The following IGSF21 variants were observed in gnomAD, a reference collection of about 807,000 sequenced individuals.
The protein encoded by IGSF21 is immunoglobin superfamily member 21.
In IGSF21, 28 loss-of-function variants were observed where a neutral mutation model predicts 46.8. The observed-to-expected ratio is 0.60, with a 90% CI of 0.44 to 0.82. The LOEUF (loss-of-function observed/expected upper bound fraction) is 0.82, where lower values mean the gene tolerates loss of function less well. IGSF21 is among the 40% of genes least tolerant of loss of function. IGSF21 has a pLI of 0.00. For synonymous variants in IGSF21, 284 were observed against 273.6 expected, an observed-to-expected ratio of 1.04 and a Z score of -0.38; for missense variants, 624 against 665.5, an observed-to-expected ratio of 0.94 and a Z score of 0.69.
At chr1:18,223,525 C>G (rs1381679319) in intron 1 of IGSF21, among the ~76,000 whole-genome samples, 3 of 152,234 alleles carry the variant, frequency 2.0e-5, no homozygotes, top group African/African-American at 4.8e-5. Context: ...TAGCTCTGAA[C>G]AGTAGCTCGT....
chr1:18,139,297 G>A (rs1252637488), intron 1 of IGSF21, among the ~76,000 whole-genome samples: 1 of 152,160 alleles, frequency 6.6e-6, no homozygotes, highest in Non-Finnish European at 1.5e-5. Context: ...TGCGGTCGCT[G>A]AACCAGAGGG....
rs577482981 is a variant in IGSF21, at chr1:18,260,424, T to C, written c.184-31442T>C. Among the ~76,000 whole-genome samples, 11 of 152,332 alleles carry C rather than the reference T, an allele frequency of 7.2e-5. No homozygotes were observed. The East Asian group carries it at 1.9e-3, about 27-fold the overall frequency. Reference sequence around the variant, plus strand: ...TAATTCAGAGGTAAGCCGATGGTGTTAGACAGCGACTTCTATTGAAGCGGC... The same window carrying C: ...TAATTCAGAGGTAAGCCGATGGTGTCAGACAGCGACTTCTATTGAAGCGGC... On this transcript the variant is annotated intron_variant, in intron 2 of 9. Transcript: ENST00000251296.
rs547872496 is a variant in IGSF21 at position 18,187,820 on chromosome 1, C to T, written c.71-40078C>T. 5.3e-5 allele frequency among the ~76,000 whole-genome samples: 8 copies of T among 152,204 alleles called. No homozygotes were observed. In the East Asian group the frequency reaches 5.8e-4, roughly 11 times the overall value. On this transcript the variant is annotated intron_variant, in intron 1 of 9. Transcript: ENST00000251296. ...GTGGGGGAGACATAAACATTGAGTA[C>T]GTAACAGGCAGTTATGTTCCTCTCT...
At chr1:18,127,773 G>A (rs2086286007) in intron 1 of IGSF21, among the ~76,000 whole-genome samples, 1 of 152,114 alleles carries the variant, frequency 6.6e-6, no homozygotes, top group Non-Finnish European at 1.5e-5. Flanking sequence ...GCCGGGCATG[G>A]TGGCACACTC....
chr1:18,192,876 G>T (rs544655473), intron 1 of IGSF21, among the ~76,000 whole-genome samples: 1 of 152,034 alleles, frequency 6.6e-6, no homozygotes, highest in African/African-American at 2.4e-5. Context: ...GCAGTGGGCC[G>T]ATTCAATTCG....
chr1:18,145,156 G>T (rs9730142), intron 1 of IGSF21, among the ~76,000 whole-genome samples: 1 of 151,928 alleles, frequency 6.6e-6, no homozygotes, highest in Non-Finnish European at 1.5e-5. Flanking sequence ...TTTTCTGTGC[G>T]TGGGGACAGG....
intron 2 of IGSF21, among the ~76,000 whole-genome samples, chr1:18,284,839 A>G (rs961495659): frequency 3.3e-5 from 5 of 152,080 alleles, no homozygotes; most frequent in Admixed American, 6.6e-5. Flanking sequence ...CTGACACAAG[A>G]TCCCAGGTGC....
intron 2 of IGSF21, among the ~76,000 whole-genome samples, chr1:18,236,721 A>G (rs2084676386): frequency 1.8e-5 from 1 of 55,612 alleles, no homozygotes; most frequent in African/African-American, 4.1e-5. Context: ...CAAGATGTGA[A>G]GACGGTGAGG....
chr1:18,365,057 A>G lies in IGSF21; in HGVS notation c.541-166A>G, dbSNP rs2086146034. 6.6e-6 allele frequency among the ~76,000 whole-genome samples: 1 copy of G among 152,074 alleles called. No homozygotes were observed. ...TGTTCCCATTGTACCACACTGGCTC[A>G]TAGTTCTTGGGGGTGTTGAAGGGAA... On this transcript the variant is annotated intron_variant, in intron 5 of 9. Transcript: ENST00000251296. This position sits in a 1 kb window ranked among gnomAD's most constrained non-coding sequence, Gnocchi z 4.8.
chr1:18,302,241 T>C (rs1407780531), intron 3 of IGSF21, among the ~76,000 whole-genome samples: 1 of 152,122 alleles, frequency 6.6e-6, no homozygotes, highest in Non-Finnish European at 1.5e-5. Context: ...GTGGCAGAAT[T>C]GAACCTGCCT....
At chr1:18,257,522 C>G (rs1019234271) in intron 2 of IGSF21, among the ~76,000 whole-genome samples, 1 of 152,048 alleles carries the variant, frequency 6.6e-6, no homozygotes, top group Non-Finnish European at 1.5e-5. Flanking sequence ...TCAGAGAGAC[C>G]GTATGTCAAG....
At chr1:18,330,460 T>G (rs2085700911) in intron 3 of IGSF21, among the ~76,000 whole-genome samples, 2 of 152,118 alleles carry the variant, frequency 1.3e-5, no homozygotes, top group Admixed American at 1.3e-4. Context: ...AGAAAATAAC[T>G]TGGCTCATGG....
intron 1 of IGSF21, among the ~76,000 whole-genome samples, chr1:18,168,747 C>T (rs971611174): frequency 1.3e-5 from 2 of 152,222 alleles, no homozygotes; most frequent in Non-Finnish European, 2.9e-5. Flanking sequence ...CGATTGTACA[C>T]AGTAGTAAAG....
chr1:18,314,604 C>T (rs2085522178), intron 3 of IGSF21, among the ~76,000 whole-genome samples: 1 of 152,140 alleles, frequency 6.6e-6, no homozygotes, highest in African/African-American at 2.4e-5. Flanking sequence ...AGTGAAGGAG[C>T]CAGGGATCAG....
chr1:18,219,864 A>T (rs1454254447), intron 1 of IGSF21, among the ~76,000 whole-genome samples: 1 of 152,176 alleles, frequency 6.6e-6, no homozygotes, highest in Non-Finnish European at 1.5e-5. Flanking sequence ...GAGTCCATGC[A>T]TCTGGGCTTG....
chr1:18,360,930 C>A (rs935564730), intron 4 of IGSF21, among the ~76,000 whole-genome samples: 22 of 152,002 alleles, frequency 1.4e-4, no homozygotes, highest in African/African-American at 5.3e-4. Flanking sequence ...AGATTCAGAC[C>A]CAGGTGTGCC....
intron 3 of IGSF21, among the ~76,000 whole-genome samples, chr1:18,296,918 A>C (rs1017218383): frequency 1.3e-5 from 2 of 152,188 alleles, no homozygotes; most frequent in African/African-American, 4.8e-5. Flanking sequence ...GGTGCAGGGA[A>C]TCTAGATTCG....
At chr1:18,113,829 G>A (rs2086163981) in intron 1 of IGSF21, 1 of 152,122 alleles carries the variant, frequency 6.6e-6, no homozygotes, top group African/African-American at 2.4e-5. Flanking sequence ...TGTACTGAGA[G>A]GGTGGAATCA....
intron 1 of IGSF21, among the ~76,000 whole-genome samples, chr1:18,173,866 G>A (rs929727720): frequency 2.0e-5 from 3 of 152,146 alleles, no homozygotes; most frequent in Admixed American, 2.0e-4. Flanking sequence ...CGATTCTCCT[G>A]CCTCAGCCAC....
Sources: allele counts gnomAD v4.1 joint callset (sites outside exome capture counted in the v4.1 genomes callset), GRCh38; gene constraint gnomAD v4.1.1; non-coding constraint Gnocchi (gnomAD v3.1); transcripts MANE v1.5; gene names NCBI Gene and HGNC (gene_info 2026-07-23, HGNC 2026-07-21).